The following CA8 variants were observed in gnomAD, a reference collection of about 807,000 sequenced individuals.
CA8 encodes carbonic anhydrase-related protein.
CA8 carries 22 observed loss-of-function variants against 41.4 expected under a neutral mutation model. The observed-to-expected ratio is 0.53, with a 90% CI of 0.38 to 0.76. The LOEUF is 0.76. Among genes scored for constraint, CA8 ranks in the 30% least tolerant of loss-of-function variants. CA8 has a pLI of 0.00. For synonymous variants in CA8, 121 were observed against 130.6 expected (o/e 0.93, Z 0.50); for missense variants, 270 against 352.8 (o/e 0.77, Z 1.88).
At position 60,224,602 on chromosome 8, in the gene CA8, T is replaced by C. The variant is rs767422987; in HGVS notation, c.577-17A>G. 2 of 1,427,400 alleles carry C rather than the reference T, an allele frequency of 1.4e-6. No individual in the cohort carries two copies. The highest frequency in any genetic ancestry group is 2.3e-5 in the South Asian group (2 of 86,224). 88.4% of individuals were successfully genotyped at this position (1,427,400 alleles called of 1,614,324 possible). A position where few individuals can be genotyped will look rare whatever the true frequency, so the allele number is the denominator to read the frequency against. On this transcript the variant is annotated splice_polypyrimidine_tract_variant and intron_variant, in intron 5 of 8. Transcript: ENST00000317995. ...GGACTTCCCCTGAAAAAGAAAAAAA[T>C]ATTTACCCAATGTTAATGTAATATT...
At chr8:60,240,462 T>C (rs963114915) in intron 3 of CA8, among the ~76,000 whole-genome samples, 1 of 152,260 alleles carries the variant, frequency 6.6e-6, no homozygotes, top group African/African-American at 2.4e-5. Context: ...GACTTTTTAA[T>C]ATTCTTATCT....
intron 8 of CA8, among the ~76,000 whole-genome samples, chr8:60,198,977 A>C (rs1222918522): frequency 6.6e-6 from 1 of 152,140 alleles, no homozygotes; most frequent in Non-Finnish European, 1.5e-5. Context: ...TTGTATCTAT[A>C]CTAAAATCCG....
intron 8 of CA8, among the ~76,000 whole-genome samples, chr8:60,203,018 C>CA (rs144891609): frequency 0.017 from 2,538 of 149,420 alleles, 78 homozygotes; most frequent in African/African-American, 0.059. Flanking sequence ...CAGTAGAAAA[C>CA]AAAAAAAAAT....
intron 3 of CA8, among the ~76,000 whole-genome samples, chr8:60,244,432 C>A (rs562547071): frequency 5.9e-5 from 9 of 152,302 alleles, no homozygotes; most frequent in African/African-American, 2.2e-4. Flanking sequence ...ATGAATATAT[C>A]TTTTTACAAT....
intron 2 of CA8, among the ~76,000 whole-genome samples, chr8:60,266,530 G>A (rs142968541): frequency 6.6e-6 from 1 of 152,166 alleles, no homozygotes; most frequent in Non-Finnish European, 1.5e-5. Context: ...AATTATCCAT[G>A]AAGAGGATTG....
intron 8 of CA8, among the ~76,000 whole-genome samples, chr8:60,206,902 C>A (rs1175994322): frequency 6.6e-6 from 1 of 152,012 alleles, no homozygotes; most frequent in South Asian, 2.1e-4. Flanking sequence ...CTTTCCCACA[C>A]CCCAGCATAT....
chr8:60,219,839 G>A (rs1031674662), intron 7 of CA8, among the ~76,000 whole-genome samples: 4 of 148,336 alleles, frequency 2.7e-5, no homozygotes, highest in African/African-American at 1.0e-4. Context: ...GAATGATAAC[G>A]GCAGTCACCA....
intron 2 of CA8, 144 bp from the exon 3 acceptor site, chr8:60,266,193 C>T (rs569901754): frequency 1.3e-5 from 10 of 747,786 alleles, no homozygotes; most frequent in South Asian, 9.5e-5. Context: ...AAATTTATCA[C>T]AACTGTGAGG....
chr8:60,197,677 G>A (rs1806319945), intron 8 of CA8, among the ~76,000 whole-genome samples: 1 of 152,134 alleles, frequency 6.6e-6, no homozygotes, highest in South Asian at 2.1e-4. Flanking sequence ...ATCACTAAGA[G>A]GAGAGTTTGA....
At chr8:60,255,292 A>C in intron 3 of CA8, among the ~76,000 whole-genome samples, 1 of 143,002 alleles carries the variant, frequency 7.0e-6, no homozygotes, top group Admixed American at 7.2e-5. Flanking sequence ...CTGGACAGAC[A>C]CTCTTCTCTC....
chr8:60,240,853 G>A (rs1808001942), intron 3 of CA8, among the ~76,000 whole-genome samples: 1 of 151,870 alleles, frequency 6.6e-6, no homozygotes, highest in South Asian at 2.1e-4. Flanking sequence ...GCACTCAGAG[G>A]GGGCTATAAA....
At chr8:60,265,786 T>C in intron 3 of CA8, 139 bp downstream of exon 3, 1 of 949,610 alleles carries the variant, frequency 1.1e-6, no homozygotes, top group Non-Finnish European at 1.6e-6. Context: ...TCCATTGCAT[T>C]AAGCATTTTT....
chr8:60,190,281 T>C (rs527416125), intron 8 of CA8, among the ~76,000 whole-genome samples: 31 of 151,396 alleles, frequency 2.0e-4, no homozygotes, highest in Non-Finnish European at 3.5e-4. Context: ...AATATGTATA[T>C]CATGTCAAAT....
At chr8:60,254,358 T>C (rs552578366) in intron 3 of CA8, among the ~76,000 whole-genome samples, 1 of 152,282 alleles carries the variant, frequency 6.6e-6, no homozygotes, top group East Asian at 1.9e-4. Flanking sequence ...TGACAGACCA[T>C]GGCCAACGGT....
intron 7 of CA8, among the ~76,000 whole-genome samples, chr8:60,218,782 T>C (rs918754957): frequency 1.3e-5 from 2 of 152,154 alleles, no homozygotes; most frequent in East Asian, 1.9e-4. Context: ...AGAGGAAAGT[T>C]TGATGTTTTA....
At position 60,227,063 on chromosome 8, in the gene CA8, G is replaced by C. The variant is rs1229410366; in HGVS notation, c.514-128C>G. 1.1e-5 allele frequency: 8 copies of C among 724,868 alleles called. No individual in the cohort carries two copies. In the Admixed American group the frequency reaches 1.6e-4, roughly 14 times the overall value. 44.9% of individuals were successfully genotyped at this position (724,868 alleles called of 1,614,324 possible). On this transcript the variant is annotated intron_variant, in intron 4 of 8. Transcript: ENST00000317995. ...CCCCAGCACTTTGGGAGGCCGAGTT[G>C]GGTGGATCACAAGGTTAGGAGATCG... is the stretch of plus-strand genomic sequence containing the variant.
chr8:60,208,310 G>A (rs12677216), intron 8 of CA8: 59,020 of 164,470 alleles, frequency 0.36, 11,281 homozygotes, highest in Admixed American at 0.45. Context: ...TGAGAAACAA[G>A]AGGATCAATT....
At chr8:60,202,899 G>A (rs974491460) in intron 8 of CA8, among the ~76,000 whole-genome samples, 3 of 152,158 alleles carry the variant, frequency 2.0e-5, no homozygotes, top group Non-Finnish European at 2.9e-5. Context: ...ATTCTCAGAA[G>A]TCTTGCATGA....
chr8:60,246,463 T>A (rs1167546050), intron 3 of CA8, among the ~76,000 whole-genome samples: 1 of 152,104 alleles, frequency 6.6e-6, no homozygotes, highest in Non-Finnish European at 1.5e-5. Context: ...TGGCTAATTT[T>A]TTTTTTTTGT....
Sources: allele counts gnomAD v4.1 joint callset (sites outside exome capture counted in the v4.1 genomes callset), GRCh38; gene constraint gnomAD v4.1.1; transcripts MANE v1.5; gene names NCBI Gene and HGNC (gene_info 2026-07-23, HGNC 2026-07-21).